KCNIP4: variants seen among roughly 807,000 people sequenced by gnomAD.
KCNIP4 encodes the protein Kv channel-interacting protein 4.
Under a neutral mutation model 34.0 loss-of-function variants are expected in KCNIP4, and 12 were observed. The observed-to-expected ratio is 0.35, with a 90% CI of 0.23 to 0.57. The LOEUF (loss-of-function observed/expected upper bound fraction) is 0.57, where lower values mean the gene tolerates loss of function less well. KCNIP4 is among the 20% of genes least tolerant of loss of function. The pLI, the probability that KCNIP4 is intolerant of heterozygous loss-of-function variation, is 0.83. For missense variants in KCNIP4, 238 were observed against 311.7 expected (o/e 0.76, Z 1.78); for synonymous variants, 124 against 102.2 (o/e 1.21, Z -1.29).
intron 1 of KCNIP4, among the ~76,000 whole-genome samples, chr4:21,814,491 C>T (rs371906009): frequency 9.2e-5 from 14 of 152,238 alleles, no homozygotes; most frequent in South Asian, 4.1e-4. Context: ...CCACGTAAGA[C>T]GTCCCTTGAT....
chr4:21,011,493 C>T (rs896400194), intron 1 of KCNIP4, among the ~76,000 whole-genome samples: 4 of 152,230 alleles, frequency 2.6e-5, no homozygotes, highest in Non-Finnish European at 5.9e-5. Flanking sequence ...AGCATTTCAA[C>T]AGCTTTGCAT....
chr4:21,638,371 T>C (rs1344507120), intron 1 of KCNIP4, among the ~76,000 whole-genome samples: 1 of 152,206 alleles, frequency 6.6e-6, no homozygotes, highest in Non-Finnish European at 1.5e-5. Context: ...AAGATTTTTT[T>C]TCTCTGGCTG....
At chr4:21,822,383 C>T (rs1050056270) in intron 1 of KCNIP4, among the ~76,000 whole-genome samples, 3 of 152,074 alleles carry the variant, frequency 2.0e-5, no homozygotes, top group Non-Finnish European at 2.9e-5. Context: ...TAGGACAAAT[C>T]CAGAGTCTCA....
chr4:20,861,176 T>C (rs961431518), intron 2 of KCNIP4, among the ~76,000 whole-genome samples: 2 of 152,166 alleles, frequency 1.3e-5, no homozygotes, highest in African/African-American at 2.4e-5. Flanking sequence ...CTTCCTGTTA[T>C]ATCATTTGAC....
At chr4:21,812,039 T>C (rs919574281) in intron 1 of KCNIP4, among the ~76,000 whole-genome samples, 1 of 152,244 alleles carries the variant, frequency 6.6e-6, no homozygotes, top group African/African-American at 2.4e-5. Context: ...GATAAATTCA[T>C]ACATGTTTGG....
intron 3 of KCNIP4, among the ~76,000 whole-genome samples, chr4:20,845,390 T>C (rs187774860): frequency 2.0e-5 from 3 of 152,254 alleles, no homozygotes; most frequent in Non-Finnish European, 4.4e-5. Flanking sequence ...CCCTCCCACC[T>C]TGTGATAATG....
At chr4:21,424,958 T>G (rs1235545655) in intron 1 of KCNIP4, among the ~76,000 whole-genome samples, 2 of 152,224 alleles carry the variant, frequency 1.3e-5, no homozygotes, top group East Asian at 3.9e-4. Flanking sequence ...TCATAAATTC[T>G]TTGTCCTTCA....
chr4:21,586,943 T>A (rs1741668229), intron 1 of KCNIP4, among the ~76,000 whole-genome samples: 1 of 152,068 alleles, frequency 6.6e-6, no homozygotes, highest in Non-Finnish European at 1.5e-5. Flanking sequence ...TTAGGACCAT[T>A]ATTTATAACA....
At chr4:21,270,026 A>G (rs1416500744) in intron 1 of KCNIP4, among the ~76,000 whole-genome samples, 2 of 152,206 alleles carry the variant, frequency 1.3e-5, no homozygotes, top group Admixed American at 1.3e-4. Context: ...TGGGTTGAGT[A>G]CTTAACTCAA....
chr4:21,943,255 A>G (rs552850300), intron 1 of KCNIP4, among the ~76,000 whole-genome samples: 1 of 152,330 alleles, frequency 6.6e-6, no homozygotes, highest in South Asian at 2.1e-4. Context: ...GAAAATTCAA[A>G]GAATAATTAT....
At chr4:21,396,855 A>G (rs887273810) in intron 1 of KCNIP4, among the ~76,000 whole-genome samples, 2 of 152,190 alleles carry the variant, frequency 1.3e-5, no homozygotes, top group African/African-American at 4.8e-5. Flanking sequence ...TTCCAGAAGG[A>G]GCCCAGCCTT....
At chr4:21,813,737 C>T (rs1721801565) in intron 1 of KCNIP4, among the ~76,000 whole-genome samples, 1 of 152,128 alleles carries the variant, frequency 6.6e-6, no homozygotes, top group Non-Finnish European at 1.5e-5. Context: ...AGGCCATATA[C>T]TTTCTCACAT....
At chr4:21,821,236 AC>A (rs1490516306) in intron 1 of KCNIP4, among the ~76,000 whole-genome samples, 1 of 152,026 alleles carries the variant, frequency 6.6e-6, no homozygotes, top group African/African-American at 2.4e-5. Flanking sequence ...GTCTTGACCC[AC>A]CCATGAAGCA....
intron 3 of KCNIP4, among the ~76,000 whole-genome samples, chr4:20,837,059 C>T (rs36075118): frequency 0.21 from 32,656 of 151,912 alleles, 3,931 homozygotes; most frequent in South Asian, 0.36. Context: ...AGTTGGTGCT[C>T]GATGCTTAAT....
intron 1 of KCNIP4, among the ~76,000 whole-genome samples, chr4:21,487,516 C>CATAT (rs1732020913): frequency 2.6e-5 from 4 of 152,054 alleles, no homozygotes; most frequent in Non-Finnish European, 5.9e-5. Context: ...CCTCCCTTTC[C>CATAT]ATAGTGCTCC....
Position 21,223,973 on chromosome 4 carries a change from C to T in KCNIP4, c.62-341264G>A, listed in dbSNP as rs376886884. On this transcript the variant is annotated intron_variant, in intron 1 of 8. Coordinates refer to ENST00000382152, the MANE Select transcript of KCNIP4 (RefSeq NM_025221.6). ...CTCCTAAGGCCACCTGCTTATCAGC[C>T]GAGGAATCTTCTCTAGTCAACCTCA... Among the ~76,000 whole-genome samples, 4 of 152,128 alleles carry T rather than the reference C, an allele frequency of 2.6e-5. No homozygotes were observed. In the East Asian group the frequency reaches 5.8e-4, roughly 22 times the overall value.
chr4:21,649,424 G>A (rs1048514229), intron 1 of KCNIP4, among the ~76,000 whole-genome samples: 2 of 152,132 alleles, frequency 1.3e-5, no homozygotes, highest in Admixed American at 1.3e-4. Context: ...AGATAAAAAT[G>A]AGAAGGATAT....
chr4:21,457,300 G>C (rs1297357244), intron 1 of KCNIP4, among the ~76,000 whole-genome samples: 3 of 151,972 alleles, frequency 2.0e-5, no homozygotes, highest in Non-Finnish European at 2.9e-5. Context: ...TTAATTCCTT[G>C]TTGGCGGCTT....
intron 1 of KCNIP4, among the ~76,000 whole-genome samples, chr4:21,479,385 T>C (rs1282103913): frequency 6.6e-6 from 1 of 152,170 alleles, no homozygotes; most frequent in Non-Finnish European, 1.5e-5. Flanking sequence ...AGTGAATAAG[T>C]GATGTAGTTT....
Sources: gnomAD v4.1 joint callset for allele counts (sites outside exome capture counted in the v4.1 genomes callset) on GRCh38, gnomAD v4.1.1 for gene constraint, MANE v1.5 for transcripts, NCBI Gene and HGNC (gene_info 2026-07-23, HGNC 2026-07-21) for gene names.